Variants in OXR1 observed in about 807,000 individuals in gnomAD.
The protein encoded by OXR1 is oxidation resistance 1.
OXR1 carries 41 observed loss-of-function variants against 104.6 expected under a neutral mutation model. The ratio of observed to expected loss-of-function variants is 0.39; its 90% CI spans 0.31 to 0.51. The LOEUF (loss-of-function observed/expected upper bound fraction) is 0.51. OXR1 is among the 20% of genes least tolerant of loss of function. OXR1 has a pLI of 0.77. For missense variants in OXR1, 955 were observed against 1,031.9 expected (o/e 0.93, Z 1.02); for synonymous variants, 348 against 348.4 (o/e 1.00, Z 0.01).
intron 3 of OXR1, among the ~76,000 whole-genome samples, chr8:106,638,924 C>CAAA (rs2130930186): frequency 6.7e-6 from 1 of 148,296 alleles, no homozygotes; most frequent in Admixed American, 6.7e-5. Flanking sequence ...TAAAACAACA[C>CAAA]AACAAAAATC....
At chr8:106,597,606 T>C (rs1350222431) in intron 3 of OXR1, among the ~76,000 whole-genome samples, 1 of 152,204 alleles carries the variant, frequency 6.6e-6, no homozygotes, top group East Asian at 1.9e-4. Flanking sequence ...TCTCTCAAGC[T>C]TTTAGCTTGC....
intron 3 of OXR1, among the ~76,000 whole-genome samples, chr8:106,557,197 A>G (rs533801685): frequency 4.6e-5 from 7 of 152,330 alleles, no homozygotes; most frequent in Admixed American, 2.0e-4. Context: ...TTGAGGAAAT[A>G]TACCTGAAAA....
At chr8:106,315,609 A>C (rs1324358614) in intron 1 of OXR1, among the ~76,000 whole-genome samples, 1 of 152,214 alleles carries the variant, frequency 6.6e-6, no homozygotes, top group East Asian at 1.9e-4. Flanking sequence ...TGGGACTTGC[A>C]ATCAGTGGCA....
intron 2 of OXR1, among the ~76,000 whole-genome samples, chr8:106,362,746 T>G (rs768848430): frequency 6.6e-6 from 1 of 152,146 alleles, no homozygotes; most frequent in Non-Finnish European, 1.5e-5. Flanking sequence ...AAACTACGAA[T>G]AAGTGACAGG....
intron 2 of OXR1, among the ~76,000 whole-genome samples, chr8:106,400,687 T>A (rs1476682362): frequency 9.2e-5 from 14 of 152,178 alleles, no homozygotes; most frequent in Non-Finnish European, 1.2e-4. Flanking sequence ...AAATAAGACT[T>A]AAATTTGTTG....
intron 2 of OXR1, among the ~76,000 whole-genome samples, chr8:106,416,443 G>A (rs1386321830): frequency 1.3e-5 from 2 of 151,992 alleles, no homozygotes; most frequent in East Asian, 3.9e-4. Flanking sequence ...AGGTTGTCTG[G>A]TTTAAAAATA....
At chr8:106,749,729 C>CA (rs1191595997) in intron 16 of OXR1, among the ~76,000 whole-genome samples, 3 of 152,068 alleles carry the variant, frequency 2.0e-5, no homozygotes, top group African/African-American at 7.2e-5. Flanking sequence ...TAGAGAATCC[C>CA]AAGGGATAGC....
chr8:106,750,061 C>T (rs1187493505), intron 16 of OXR1, among the ~76,000 whole-genome samples: 1 of 151,612 alleles, frequency 6.6e-6, no homozygotes, highest in East Asian at 1.9e-4. Context: ...CATGAATCCC[C>T]AAATTTTATT....
chr8:106,719,641 AT>A (rs1417081322), intron 11 of OXR1, among the ~76,000 whole-genome samples: 1 of 114,908 alleles, frequency 8.7e-6, no homozygotes, highest in African/African-American at 2.7e-5. Flanking sequence ...AAGAAATCAG[AT>A]TTTTTTTCTG....
chr8:106,676,594 T>G (rs1174345045), intron 3 of OXR1, among the ~76,000 whole-genome samples: 4 of 152,140 alleles, frequency 2.6e-5, no homozygotes, highest in Non-Finnish European at 4.4e-5. Context: ...TGGAATTTTT[T>G]TTAAGAATGA....
chr8:106,404,248 T>C (rs1818123701), intron 2 of OXR1, among the ~76,000 whole-genome samples: 1 of 152,064 alleles, frequency 6.6e-6, no homozygotes, highest in South Asian at 2.1e-4. Flanking sequence ...AAGCTTCTTC[T>C]ACTGAACAGG....
chr8:106,378,572 C>T (rs1288544730), intron 2 of OXR1, among the ~76,000 whole-genome samples: 1 of 152,192 alleles, frequency 6.6e-6, no homozygotes, highest in African/African-American at 2.4e-5. Context: ...TGCGATGGCA[C>T]GATCTCGGCT....
At chr8:106,608,670 G>T (rs954110176) in intron 3 of OXR1, among the ~76,000 whole-genome samples, 1 of 152,098 alleles carries the variant, frequency 6.6e-6, no homozygotes, top group Admixed American at 6.6e-5. Flanking sequence ...TCTGTTCTTT[G>T]TCATTAGAGA....
At chr8:106,680,084 T>G (rs1828000846) in intron 4 of OXR1, among the ~76,000 whole-genome samples, 2 of 152,090 alleles carry the variant, frequency 1.3e-5, no homozygotes, top group South Asian at 4.1e-4. Context: ...CCATGCATCT[T>G]TAAAATTGAA....
At chr8:106,533,825 C>A (rs1415478955) in intron 3 of OXR1, among the ~76,000 whole-genome samples, 1 of 151,566 alleles carries the variant, frequency 6.6e-6, no homozygotes, top group Non-Finnish European at 1.5e-5. Context: ...AAGCAATTCT[C>A]CTGCCTCAGC....
chr8:106,554,490 T>A lies in OXR1; in HGVS notation c.220+35351T>A, dbSNP rs1345868070. ...ACTATGAAAACTGGTAATATTCAAA[T>A]AAGACCGGTAGATTAGTTAAAATAT... is the stretch of plus-strand genomic sequence containing the variant. On this transcript the variant is annotated intron_variant, in intron 3 of 16. Transcript: ENST00000517566. 2.6e-5 allele frequency among the ~76,000 whole-genome samples: 4 copies of A among 152,188 alleles called. No individual in the cohort carries two copies. The East Asian group carries it at 7.7e-4, about 29-fold the overall frequency.
Position 106,712,621 on chromosome 8 carries a change from C to T in OXR1, c.1794-1202C>T, listed in dbSNP as rs117512003. On this transcript the variant is annotated intron_variant, in intron 10 of 16. Coordinates refer to ENST00000517566, the MANE Select transcript of OXR1 (RefSeq NM_001198533.2). ...CCTCTTGGAAAATCTTTATATGTTG[C>T]TTTGGAAGACTACAGCTTTTAGGCA... Among the ~76,000 whole-genome samples the T allele has an allele frequency of 3.2e-4, 49 of 152,116 alleles. 1 individual carries two copies. In the East Asian group the frequency reaches 7.7e-3, roughly 24 times the overall value.
At chr8:106,617,194 G>A (rs1419024978) in intron 3 of OXR1, among the ~76,000 whole-genome samples, 2 of 152,210 alleles carry the variant, frequency 1.3e-5, no homozygotes, top group Non-Finnish European at 2.9e-5. Flanking sequence ...AGGCCAAGGC[G>A]AGTGGACCAC....
chr8:106,742,889 CA>C (rs1412999737), intron 15 of OXR1, among the ~76,000 whole-genome samples: 2 of 152,048 alleles, frequency 1.3e-5, no homozygotes, highest in Admixed American at 1.3e-4. Flanking sequence ...TAGATACGGG[CA>C]AAGATTTCAT....
Sources: gnomAD v4.1 joint callset for allele counts (sites outside exome capture counted in the v4.1 genomes callset) on GRCh38, gnomAD v4.1.1 for gene constraint, MANE v1.5 for transcripts, NCBI Gene and HGNC (gene_info 2026-07-23, HGNC 2026-07-21) for gene names.